CRMP1: variants seen among roughly 807,000 people sequenced by gnomAD.
CRMP1 encodes the protein dihydropyrimidinase-related protein 1.
Under a neutral mutation model 68.3 loss-of-function variants are expected in CRMP1, and 19 were observed. The ratio of observed to expected loss-of-function variants is 0.28; its 90% CI spans 0.19 to 0.41. The LOEUF (loss-of-function observed/expected upper bound fraction) is 0.41, where lower values mean the gene tolerates loss of function less well. Among genes scored for constraint, CRMP1 ranks in the 10% least tolerant of loss-of-function variants. The pLI is 1.00. For missense variants in CRMP1, 791 were observed against 967.4 expected (o/e 0.82, Z 2.42); for synonymous variants, 439 against 399.6 (o/e 1.10, Z -1.18).
chr4:5,834,446 A>G lies in CRMP1; in HGVS notation c.1623+1469T>C, dbSNP rs1251147915. 6.6e-6 allele frequency among the ~76,000 whole-genome samples: 1 copy of G among 152,218 alleles called. No individual in the cohort carries two copies. Among genetic ancestry groups the G allele is most frequent in the African/African-American group, 2.4e-5 (1 of 41,454 alleles). Reference sequence around the variant, plus strand: ...ACTTCTTTCACACTTGTCCTGTCTTATCCTTCTGCCCTCTGCCATGGGATA... The same window carrying G: ...ACTTCTTTCACACTTGTCCTGTCTTGTCCTTCTGCCCTCTGCCATGGGATA... On this transcript the variant is annotated intron_variant, in intron 11 of 13. Transcript: ENST00000324989. This position sits in a 1 kb window ranked among gnomAD's most constrained non-coding sequence, Gnocchi z 4.3.
At chr4:5,880,596 T>C (rs1200751211) in intron 1 of CRMP1, among the ~76,000 whole-genome samples, 1 of 152,194 alleles carries the variant, frequency 6.6e-6, no homozygotes, top group Admixed American at 6.5e-5. Context: ...GTGTAAAAAG[T>C]ACCTTTTGCA....
At chr4:5,873,722 G>A (rs1271927209) in intron 1 of CRMP1, among the ~76,000 whole-genome samples, 2 of 152,186 alleles carry the variant, frequency 1.3e-5, no homozygotes, top group Non-Finnish European at 2.9e-5. Context: ...GGTGGGGACA[G>A]AGATCCAGAC....
Position 5,821,566 on chromosome 4 carries a change from G to A in CRMP1, c.*194C>T, listed in dbSNP as rs759507330. The A allele has an allele frequency of 3.6e-5, 21 of 591,298 alleles. No homozygotes were observed. The highest frequency in any genetic ancestry group is 6.0e-5 in the Non-Finnish European group (20 of 335,946). The allele number at this position is 591,298 out of a possible 1,614,324, so 36.6% of individuals were successfully genotyped here. A position where few individuals can be genotyped will look rare whatever the true frequency, so the allele number is the denominator to read the frequency against. ...TGGATTCAGCATGAACACAACTGTG[G>A]GGCAAGGAATTTCCAAGCAAACACA... On this transcript the variant is annotated 3_prime_UTR_variant, in exon 14 of 14. Transcript: ENST00000324989. The surrounding 1 kb of genome is among the most constrained non-coding windows in gnomAD (Gnocchi z 4.4).
intron 1 of CRMP1, chr4:5,887,962 C>G (rs1168962896): frequency 3.5e-6 from 2 of 578,998 alleles, no homozygotes; most frequent in African/African-American, 3.9e-5. Flanking sequence ...TCTGGCACAT[C>G]CCGTGGGGGG....
rs1049868779 is a variant in CRMP1 at position 5,838,689 on chromosome 4, C to A, written c.1310+833G>T. ...CATTGGACTGCAGATGTTGAGTAAG[C>A]CCTTGGCTACGCTAGTCAAAGGTTT... On this transcript the variant is annotated intron_variant, in intron 9 of 13. Coordinates refer to ENST00000324989, the MANE Select transcript of CRMP1 (RefSeq NM_001014809.3). The surrounding 1 kb of genome is among the most constrained non-coding windows in gnomAD (Gnocchi z 4.9). Among the ~76,000 whole-genome samples the A allele has an allele frequency of 6.6e-6, 1 of 152,142 alleles. No individual in the cohort carries two copies. The highest frequency in any genetic ancestry group is 1.5e-5 in the Non-Finnish European group (1 of 68,020).
chr4:5,878,115 A>C (rs772933560), intron 1 of CRMP1, among the ~76,000 whole-genome samples: 2 of 152,206 alleles, frequency 1.3e-5, no homozygotes, highest in Non-Finnish European at 2.9e-5. Context: ...AAAAGTGGGA[A>C]TAAGTATGAC....
chr4:5,886,052 G>T (rs1301624442), intron 1 of CRMP1, among the ~76,000 whole-genome samples: 1 of 152,198 alleles, frequency 6.6e-6, no homozygotes, highest in Non-Finnish European at 1.5e-5. Flanking sequence ...GTCCTATACA[G>T]TGAAGCCCCA....
At chr4:5,864,842 G>A (rs1342995278) in intron 2 of CRMP1, among the ~76,000 whole-genome samples, 2 of 150,832 alleles carry the variant, frequency 1.3e-5, no homozygotes, top group African/African-American at 2.4e-5. Flanking sequence ...GGCAAGTCCC[G>A]TGAGTCCCAA....
rs78795534 is a variant in CRMP1, at chr4:5,841,590, G to A, written c.1033-162C>T. Among the ~76,000 whole-genome samples the A allele has an allele frequency of 1.3e-5, 2 of 152,304 alleles. No homozygotes were observed. The highest frequency in any genetic ancestry group is 2.9e-5 in the Non-Finnish European group (2 of 68,036). ...CGCTTGACAGTGCCCCCTGCTCTCC[G>A]GGGTGGAGCATTGGTCTCACGCTGG... On this transcript the variant is annotated intron_variant, in intron 7 of 13. Coordinates refer to ENST00000324989, the MANE Select transcript of CRMP1 (RefSeq NM_001014809.3). This position sits in a 1 kb window ranked among gnomAD's most constrained non-coding sequence, Gnocchi z 6.9.
intron 5 of CRMP1, among the ~76,000 whole-genome samples, chr4:5,849,924 A>T (rs1190654054): frequency 2.0e-5 from 3 of 152,202 alleles, no homozygotes; most frequent in Admixed American, 2.0e-4. Flanking sequence ...GTGCATCCTT[A>T]CAAAAATATG....
chr4:5,888,153 G>A lies in CRMP1; in HGVS notation c.381+4436C>T, dbSNP rs1363277845. On this transcript the variant is annotated intron_variant, in intron 1 of 13. Transcript: ENST00000324989. This position sits in a 1 kb window ranked among gnomAD's most constrained non-coding sequence, Gnocchi z 6.4. ...GGGGCGCCCCTGCCGGCGCCCCGTG[G>A]ATCTGGACCCTGCCGGGCGCCCACT... 1.2e-5 allele frequency: 15 copies of A among 1,230,058 alleles called. No individual in the cohort carries two copies. Among genetic ancestry groups the A allele is most frequent in the Non-Finnish European group, 1.5e-5 (15 of 985,084 alleles). 76.2% of individuals were successfully genotyped at this position (1,230,058 alleles called of 1,614,324 possible). A position where few individuals can be genotyped will look rare whatever the true frequency, so the allele number is the denominator to read the frequency against.
intron 12 of CRMP1, chr4:5,826,916 C>T (rs1220978961): frequency 6.5e-6 from 1 of 152,920 alleles, no homozygotes; most frequent in Non-Finnish European, 1.5e-5. Flanking sequence ...AACGGCCCTC[C>T]CCTCTGTCCC....
intron 1 of CRMP1, among the ~76,000 whole-genome samples, chr4:5,876,589 A>G (rs1433585359): frequency 1.3e-5 from 2 of 152,224 alleles, no homozygotes; most frequent in East Asian, 1.9e-4. Flanking sequence ...TTATCCAAGC[A>G]TTGAATGCAG....
intron 9 of CRMP1, among the ~76,000 whole-genome samples, chr4:5,837,523 G>A (rs1175903838): frequency 6.6e-6 from 1 of 151,032 alleles, no homozygotes; most frequent in Non-Finnish European, 1.5e-5. Flanking sequence ...AGCTACTCAG[G>A]AGGCTAAGGC....
intron 6 of CRMP1, among the ~76,000 whole-genome samples, chr4:5,847,997 C>G (rs1033544034): frequency 2.0e-5 from 3 of 152,130 alleles, no homozygotes; most frequent in African/African-American, 7.2e-5. Context: ...GCCTGCCTGA[C>G]TTCTTTCTCT....
chr4:5,823,914 CTG>C (rs1719103168), intron 13 of CRMP1, among the ~76,000 whole-genome samples: 1 of 152,162 alleles, frequency 6.6e-6, no homozygotes, highest in Non-Finnish European at 1.5e-5. Flanking sequence ...AAAAGGGCAT[CTG>C]TGAGGTTGTT....
Position 5,825,245 on chromosome 4 carries a change from G to A in CRMP1, c.1969+249C>T. ...TAAGGATGAGCACTGGGACAATTTT[G>A]GTACCTCTCTTTGTAAACCCACATC... On this transcript the variant is annotated intron_variant, in intron 13 of 13. Coordinates refer to ENST00000324989, the MANE Select transcript of CRMP1 (RefSeq NM_001014809.3). This position sits in a 1 kb window ranked among gnomAD's most constrained non-coding sequence, Gnocchi z 4.4. 1.4e-5 allele frequency: 14 copies of A among 985,290 alleles called. No individual in the cohort carries two copies. Among genetic ancestry groups the A allele is most frequent in the Non-Finnish European group, 1.7e-5 (14 of 829,906 alleles). 61.0% of individuals were successfully genotyped at this position (985,290 alleles called of 1,614,324 possible).
chr4:5,847,189 T>C (rs1252237106), intron 6 of CRMP1, among the ~76,000 whole-genome samples: 6 of 152,196 alleles, frequency 3.9e-5, no homozygotes, highest in Admixed American at 3.9e-4. Context: ...GGTCCACCAC[T>C]GCATGTTGTA....
intron 12 of CRMP1, among the ~76,000 whole-genome samples, chr4:5,827,493 A>G (rs1420538985): frequency 1.3e-5 from 2 of 152,162 alleles, no homozygotes; most frequent in African/African-American, 4.8e-5. Context: ...GAGCCTGGGA[A>G]TGCAGGAAGG....
Sources: gnomAD v4.1 joint callset for allele counts (sites outside exome capture counted in the v4.1 genomes callset) on GRCh38, gnomAD v4.1.1 for gene constraint, Gnocchi (gnomAD v3.1) non-coding constraint, MANE v1.5 for transcripts, NCBI Gene and HGNC (gene_info 2026-07-23, HGNC 2026-07-21) for gene names.